LYPD6B: variants seen among roughly 807,000 people sequenced by gnomAD.
The protein encoded by LYPD6B is ly6/PLAUR domain-containing protein 6B.
LYPD6B carries 17 observed loss-of-function variants against 22.8 expected under a neutral mutation model. The ratio of observed to expected loss-of-function variants is 0.75; its 90% CI spans 0.51 to 1.12. LYPD6B has a LOEUF of 1.12. Ranked by LOEUF, LYPD6B falls within the 50% of genes most tolerant of loss-of-function variation. LYPD6B has a pLI of 0.00. For synonymous variants in LYPD6B, 106 were observed against 91.6 expected, an observed-to-expected ratio of 1.16 and a Z score of -0.90; for missense variants, 221 against 258.3, an observed-to-expected ratio of 0.86 and a Z score of 0.99.
At chr2:149,055,965 A>T (rs1314960573) in intron 1 of LYPD6B, among the ~76,000 whole-genome samples, 1 of 152,204 alleles carries the variant, frequency 6.6e-6, no homozygotes, top group African/African-American at 2.4e-5. Context: ...TGAGATGGCA[A>T]GTGTGATTTA....
At chr2:149,051,426 A>C (rs924214887) in intron 1 of LYPD6B, among the ~76,000 whole-genome samples, 1 of 152,000 alleles carries the variant, frequency 6.6e-6, no homozygotes, top group African/African-American at 2.4e-5. Flanking sequence ...CGGCCTCCCA[A>C]AGTGCTGGGA....
At chr2:149,204,969 G>A in intron 3 of LYPD6B, 1 of 301,138 alleles carries the variant, frequency 3.3e-6, no homozygotes, top group Non-Finnish European at 6.1e-6. Flanking sequence ...GGAATGGGGT[G>A]CAGCCAGGCC....
At chr2:149,038,984 T>G in intron 1 of LYPD6B, among the ~76,000 whole-genome samples, 183 bp downstream of exon 1, 1 of 149,326 alleles carries the variant, frequency 6.7e-6, no homozygotes, top group Non-Finnish European at 1.5e-5. Context: ...CGCGGCGCAG[T>G]GGCGGGGTCG....
chr2:149,202,061 G>C (rs1693195797), intron 3 of LYPD6B, among the ~76,000 whole-genome samples: 1 of 152,156 alleles, frequency 6.6e-6, no homozygotes, highest in Admixed American at 6.5e-5. Flanking sequence ...TTGTTTTTAA[G>C]TTGTCTATCA....
At chr2:149,093,184 C>T (rs758739036) in intron 1 of LYPD6B, among the ~76,000 whole-genome samples, 8 of 152,170 alleles carry the variant, frequency 5.3e-5, no homozygotes, top group South Asian at 4.2e-4. Context: ...TGAGGAAGAG[C>T]GTTTGGGAAT....
chr2:149,078,361 G>C (rs1023845003), intron 1 of LYPD6B, among the ~76,000 whole-genome samples: 1 of 152,158 alleles, frequency 6.6e-6, no homozygotes, highest in Non-Finnish European at 1.5e-5. Flanking sequence ...ATTTTGGAGA[G>C]CATAATCTCT....
At chr2:149,077,538 C>T (rs1301065026) in intron 1 of LYPD6B, 1 of 152,188 alleles carries the variant, frequency 6.6e-6, no homozygotes, top group Non-Finnish European at 1.5e-5. Context: ...TGGAGCAGGA[C>T]TTCAGAGTGT....
rs564279969 is a variant in LYPD6B at position 149,141,405 on chromosome 2, A to G, written c.5+10452A>G. ...TCTTTTCATCTTCTGTATTTTTTGT[A>G]TATTTTCTATCATTTTGTTCTGTTA... On this transcript the variant is annotated intron_variant, in intron 2 of 6. Transcript: ENST00000409642. 5.9e-5 allele frequency among the ~76,000 whole-genome samples: 9 copies of G among 152,196 alleles called. No individual in the cohort carries two copies. In the East Asian group the frequency reaches 1.7e-3, roughly 29 times the overall value.
At chr2:149,193,248 A>T (rs756611625) in intron 3 of LYPD6B, among the ~76,000 whole-genome samples, 17 of 152,140 alleles carry the variant, frequency 1.1e-4, no homozygotes, top group Non-Finnish European at 7.3e-5. Context: ...AGGAATAAAA[A>T]ACAGAAGAAT....
rs181375644 is a variant in LYPD6B, at chr2:149,196,594, G to A, written c.78-8659G>A. Among the ~76,000 whole-genome samples the A allele has an allele frequency of 4.3e-4, 65 of 152,286 alleles. 1 individual carries two copies. The highest frequency in any genetic ancestry group is 1.3e-3 in the African/African-American group (56 of 41,558). ...TCCCAGTTGAAAGATAACCATGTGGGTGCTGAAGGCAGTTGAGATTATAGG... is the reference window on the plus strand; with the variant it reads ...TCCCAGTTGAAAGATAACCATGTGGATGCTGAAGGCAGTTGAGATTATAGG... On this transcript the variant is annotated intron_variant, in intron 3 of 6. Transcript: ENST00000409642.
chr2:149,175,208 C>T (rs923202695), intron 3 of LYPD6B, among the ~76,000 whole-genome samples: 1 of 152,040 alleles, frequency 6.6e-6, no homozygotes, highest in Non-Finnish European at 1.5e-5. Context: ...CTACGATACT[C>T]CCATGCTATA....
intron 1 of LYPD6B, among the ~76,000 whole-genome samples, chr2:149,111,760 A>G (rs1686768845): frequency 6.6e-6 from 1 of 152,160 alleles, no homozygotes; most frequent in South Asian, 2.1e-4. Context: ...GAAAGTAAGT[A>G]TAGATAGAGA....
intron 1 of LYPD6B, among the ~76,000 whole-genome samples, chr2:149,097,171 G>A (rs1386210443): frequency 2.0e-5 from 3 of 152,212 alleles, no homozygotes; most frequent in African/African-American, 4.8e-5. Flanking sequence ...TGTCTTCTGC[G>A]CCTGCCCTGC....
At chr2:149,161,035 T>C (rs987186981) in intron 3 of LYPD6B, among the ~76,000 whole-genome samples, 200 bp downstream of exon 3, 2 of 152,198 alleles carry the variant, frequency 1.3e-5, no homozygotes, top group African/African-American at 2.4e-5. Context: ...TAAGTTACAA[T>C]TCTGGTGAAC....
At chr2:149,049,740 G>A (rs756221887) in intron 1 of LYPD6B, among the ~76,000 whole-genome samples, 7 of 152,210 alleles carry the variant, frequency 4.6e-5, no homozygotes, top group African/African-American at 1.7e-4. Context: ...TATGTTGTGA[G>A]TAAGTGCTCT....
intron 1 of LYPD6B, among the ~76,000 whole-genome samples, chr2:149,092,061 A>G (rs1382001984): frequency 6.6e-6 from 1 of 151,890 alleles, no homozygotes; most frequent in Non-Finnish European, 1.5e-5. Flanking sequence ...AGAGAGGGAG[A>G]GAGTACAAGC....
chr2:149,051,435 G>A (rs1683555801), intron 1 of LYPD6B, among the ~76,000 whole-genome samples: 1 of 152,098 alleles, frequency 6.6e-6, no homozygotes, highest in African/African-American at 2.4e-5. Flanking sequence ...AAAGTGCTGG[G>A]ATTACAGGCG....
intron 5 of LYPD6B, among the ~76,000 whole-genome samples, chr2:149,209,210 A>C (rs918268886): frequency 4.6e-5 from 7 of 152,062 alleles, no homozygotes; most frequent in Admixed American, 2.6e-4. Flanking sequence ...TAAGCTAGGG[A>C]ATACATAGCA....
At chr2:149,100,083 T>A (rs1351772209) in intron 1 of LYPD6B, among the ~76,000 whole-genome samples, 1 of 152,140 alleles carries the variant, frequency 6.6e-6, no homozygotes, top group African/African-American at 2.4e-5. Flanking sequence ...AGGAAAAGAT[T>A]GATTTTTGAT....
Sources: gnomAD v4.1 joint callset for allele counts (sites outside exome capture counted in the v4.1 genomes callset) on GRCh38, gnomAD v4.1.1 for gene constraint, MANE v1.5 for transcripts, NCBI Gene and HGNC (gene_info 2026-07-23, HGNC 2026-07-21) for gene names.